Variants in RIMS1 observed in about 807,000 individuals in gnomAD.
RIMS1 encodes the protein regulating synaptic membrane exocytosis 1, also known as regulating synaptic membrane exocytosis protein 1.
Under a neutral mutation model 214.1 loss-of-function variants are expected in RIMS1, and 83 were observed. The observed-to-expected ratio is 0.39, with a 90% CI of 0.32 to 0.47. The LOEUF is 0.47. Among genes scored for constraint, RIMS1 ranks in the 20% least tolerant of loss-of-function variants. The pLI, the probability that RIMS1 is intolerant of heterozygous loss-of-function variation, is 0.99. For missense variants in RIMS1, 2,050 were observed against 2,161.8 expected (o/e 0.95, Z 1.03); for synonymous variants, 793 against 786.8 (o/e 1.01, Z -0.13).
At chr6:72,364,109 A>C (rs867091248) in intron 29 of RIMS1, among the ~76,000 whole-genome samples, 15 of 152,206 alleles carry the variant, frequency 9.9e-5, no homozygotes, top group South Asian at 2.1e-4. Flanking sequence ...CAATAGGCCA[A>C]GCCCTCTCTT....
In RIMS1 at chr6:72,261,132, T is replaced by C. The variant is rs1391400292; in HGVS notation, c.3116+365T>C. 2.8e-6 allele frequency: 3 copies of C among 1,072,530 alleles called. No individual in the cohort carries two copies. In the East Asian group the frequency reaches 2.4e-4, roughly 84 times the overall value. 66.4% of individuals were successfully genotyped at this position (1,072,530 alleles called of 1,614,324 possible). The stretch of plus-strand genomic sequence containing the variant: ...GTCTAGTCACAAGAGGTCTAATCTG[T>C]GTATGGCAGTGTCATTGTTTCATAA... On this transcript the variant is annotated intron_variant, in intron 19 of 33. Transcript: ENST00000521978.
intron 1 of RIMS1, among the ~76,000 whole-genome samples, chr6:71,940,603 A>G (rs1287409822): frequency 6.6e-6 from 1 of 152,204 alleles, no homozygotes; most frequent in East Asian, 1.9e-4. Flanking sequence ...GGTTAAAACT[A>G]TTGCAATAGG....
Position 71,886,906 on chromosome 6 carries a change from C to T in RIMS1, c.-118C>T, listed in dbSNP as rs1767910355. The T allele has an allele frequency of 2.5e-6, 3 of 1,216,420 alleles. No homozygotes were observed. Among genetic ancestry groups the T allele is most frequent in the South Asian group, 2.9e-5 (2 of 69,584 alleles). The allele number at this position is 1,216,420 out of a possible 1,614,324, so 75.4% of individuals were successfully genotyped here. A position where few individuals can be genotyped will look rare whatever the true frequency, so the allele number is the denominator to read the frequency against. On this transcript the variant is annotated 5_prime_UTR_variant, in exon 1 of 34. Transcript: ENST00000521978. ...TGCTGCCGCCGCCGCCGCTGCTCCT[C>T]CTCCTGCCGCCGCCGCTAGGGCTCC...
At chr6:72,086,396 A>T (rs1834664203) in intron 2 of RIMS1, among the ~76,000 whole-genome samples, 1 of 152,132 alleles carries the variant, frequency 6.6e-6, no homozygotes, top group Non-Finnish European at 1.5e-5. Flanking sequence ...TCAAGCTATG[A>T]AAGGAAGTTC....
chr6:72,391,145 C>G (rs997898638), intron 30 of RIMS1, among the ~76,000 whole-genome samples: 3 of 152,146 alleles, frequency 2.0e-5, no homozygotes, highest in African/African-American at 7.2e-5. Context: ...TTTCTCCAAG[C>G]TATTTTGGAC....
chr6:72,145,317 A>T (rs571187803), intron 4 of RIMS1, among the ~76,000 whole-genome samples: 1 of 152,256 alleles, frequency 6.6e-6, no homozygotes, highest in Admixed American at 6.5e-5. Flanking sequence ...TGGGCCTATT[A>T]GAAAGTGACA....
At chr6:72,005,953 T>C (rs1382341789) in intron 2 of RIMS1, among the ~76,000 whole-genome samples, 1 of 152,072 alleles carries the variant, frequency 6.6e-6, no homozygotes, top group Non-Finnish European at 1.5e-5. Flanking sequence ...TACGATAGAG[T>C]GGTTGGCTAC....
intron 29 of RIMS1, among the ~76,000 whole-genome samples, chr6:72,389,268 G>A (rs2098664086): frequency 6.6e-6 from 1 of 152,158 alleles, no homozygotes; most frequent in African/African-American, 2.4e-5. Flanking sequence ...TGTCTTCCTT[G>A]AGTGGTGAAA....
chr6:72,392,724 G>A lies in RIMS1; in HGVS notation c.4532G>A (p.Gly1511Glu). The A allele has an allele frequency of 6.2e-7, 1 of 1,613,378 alleles. No individual in the cohort carries two copies. Reference sequence around the variant, plus strand: ...TTAATATTTCCTGGAGTGCGACTGGGAGCTGACAGTCAATTCAGTGATTTT... The same window carrying A: ...TTAATATTTCCTGGAGTGCGACTGGAAGCTGACAGTCAATTCAGTGATTTT... ...GNLIFPGVRL[G>E]ADSQFSDFLD... is the part of the protein sequence containing the mutation. Residue 1511 changes from glycine to glutamate, a missense_variant, in exon 31 of 34, where the codon GGA (glycine) becomes GAA (glutamate). Gly to Glu is a moderately conservative substitution (Grantham distance 98). Around this residue, in one of 6 missense-constraint regions of RIMS1, gnomAD observed 121 missense variants for 187.3 expected, o/e 0.65. Transcript: ENST00000521978.
chr6:72,021,285 A>G (rs1814599078), intron 2 of RIMS1, among the ~76,000 whole-genome samples: 1 of 152,190 alleles, frequency 6.6e-6, no homozygotes, highest in African/African-American at 2.4e-5. Context: ...ACTGAAATAA[A>G]TTGTTGTTTA....
At chr6:72,146,518 G>C (rs958738534) in intron 4 of RIMS1, among the ~76,000 whole-genome samples, 3 of 152,110 alleles carry the variant, frequency 2.0e-5, no homozygotes, top group Non-Finnish European at 4.4e-5. Flanking sequence ...ACAAATTTTT[G>C]TTAAAGAGAA....
At chr6:72,376,820 A>G (rs2098396406) in intron 29 of RIMS1, among the ~76,000 whole-genome samples, 1 of 152,140 alleles carries the variant, frequency 6.6e-6, no homozygotes, top group Non-Finnish European at 1.5e-5. Flanking sequence ...ACAGAAATTT[A>G]TCACAGGTTT....
At chr6:72,260,396 A>G (rs2077453370) in intron 18 of RIMS1, among the ~76,000 whole-genome samples, 1 of 152,156 alleles carries the variant, frequency 6.6e-6, no homozygotes. Context: ...TCAGTTGTCT[A>G]TAATTGGAAA....
chr6:72,034,872 G>T (rs1012025549), intron 2 of RIMS1, among the ~76,000 whole-genome samples: 2 of 152,116 alleles, frequency 1.3e-5, no homozygotes, highest in Admixed American at 1.3e-4. Context: ...TAATTAAGAT[G>T]CATAATTGTT....
At chr6:72,316,861 TG>T in intron 28 of RIMS1, 1 of 1,017,322 alleles carries the variant, frequency 9.8e-7, no homozygotes, top group Non-Finnish European at 1.5e-6. Flanking sequence ...AAGTAGGAGG[TG>T]GGCAGCTGCC....
At chr6:72,079,055 G>A (rs1832628135) in intron 2 of RIMS1, among the ~76,000 whole-genome samples, 1 of 152,058 alleles carries the variant, frequency 6.6e-6, no homozygotes, top group Non-Finnish European at 1.5e-5. Flanking sequence ...CCTAAGAGTT[G>A]GAGCTGTTTT....
intron 6 of RIMS1, among the ~76,000 whole-genome samples, chr6:72,221,291 AGTGTGTGTGT>A (rs71540331): frequency 2.2e-5 from 3 of 138,582 alleles, no homozygotes; most frequent in East Asian, 2.1e-4. Flanking sequence ...ATCTGGGGTG[AGTGTGTGTGT>A]GTGTGTGTGT....
At position 72,182,947 on chromosome 6, in the gene RIMS1, G is replaced by A; in HGVS notation, c.1476G>A (p.Val492=). ...VLMRKAKREK[V]ETMLRNDSLS... Reference sequence around the variant, plus strand: ...TGCGGAAGGCCAAGCGCGAGAAGGTGGAGACCATGCTGCGGAACGACTCTT... The same window carrying A: ...TGCGGAAGGCCAAGCGCGAGAAGGTAGAGACCATGCTGCGGAACGACTCTT... The change falls in exon 6 of 34, where the codon GTG becomes GTA. Residue 492 remains valine (V), a synonymous_variant. Transcript: ENST00000521978. 1 of 1,590,958 alleles carries A rather than the reference G, an allele frequency of 6.3e-7. No individual in the cohort carries two copies. The highest frequency in any genetic ancestry group is 2.3e-5 in the East Asian group (1 of 43,558).
At position 72,098,973 on chromosome 6, in the gene RIMS1, A is replaced by C. The variant is rs2032799058; in HGVS notation, c.460-1002A>C. Among the ~76,000 whole-genome samples the C allele has an allele frequency of 2.0e-5, 3 of 152,316 alleles. No individual in the cohort carries two copies. In the South Asian group the frequency reaches 6.2e-4, roughly 32 times the overall value. ...CTTCTATAGTGCTCTTTAATACACTATTTTGGAATACATTCTTACAGGTAA... is the reference window on the plus strand; with the variant it reads ...CTTCTATAGTGCTCTTTAATACACTCTTTTGGAATACATTCTTACAGGTAA... On this transcript the variant is annotated intron_variant, in intron 3 of 33. Transcript: ENST00000521978.
Sources: gnomAD v4.1 joint callset for allele counts (sites outside exome capture counted in the v4.1 genomes callset) on GRCh38, gnomAD v4.1.1 for gene constraint, gnomAD v4.1.1 regional missense constraint, MANE v1.5 for transcripts, NCBI Gene and HGNC (gene_info 2026-07-23, HGNC 2026-07-21) for gene names.